Variants in THUMPD3 observed in about 807,000 individuals in gnomAD.
The protein encoded by THUMPD3 is tRNA (guanine(6)-N(2))-methyltransferase THUMP3.
A neutral mutation model predicts 54.5 loss-of-function variants in THUMPD3; 44 were observed. That is an observed-to-expected ratio of 0.81 (90% CI 0.63 to 1.04). The LOEUF (loss-of-function observed/expected upper bound fraction) is 1.04. Among genes scored for constraint, THUMPD3 ranks in the 50% least tolerant of loss-of-function variants. The pLI is 0.00. For missense variants in THUMPD3, 604 were observed against 601.3 expected, an observed-to-expected ratio of 1.00 and a Z score of -0.05; for synonymous variants, 196 against 201.4, an observed-to-expected ratio of 0.97 and a Z score of 0.23.
In THUMPD3 at chr3:9,384,246, C is replaced by T. The variant is rs1246237309; in HGVS notation, c.1270C>T (p.Pro424Ser). 4 of 1,614,174 alleles carry T rather than the reference C, an allele frequency of 2.5e-6. No homozygotes were observed. The change falls in exon 9 of 10, where the codon CCA becomes TCA. Residue 424 changes from proline to serine, a missense_variant. Transcript: ENST00000452837. The part of the protein sequence containing the change: ...GSKKRNWNLY[P>S]ACLREMSRVC... Reference sequence around the variant, plus strand: ...CAAGAAGAGAAACTGGAACCTTTATCCAGCTTGCCTACGGGAGATGAGCCG... The same window carrying T: ...CAAGAAGAGAAACTGGAACCTTTATTCAGCTTGCCTACGGGAGATGAGCCG...
At chr3:9,371,600 C>T in intron 4 of THUMPD3, 64 bp downstream of exon 4, 1 of 1,352,818 alleles carries the variant, frequency 7.4e-7, no homozygotes, top group Non-Finnish European at 1.0e-6. Context: ...AATTTCCAGA[C>T]TAACCCAATG....
At chr3:9,374,729 G>A in intron 5 of THUMPD3, 83 bp downstream of exon 5, 2 of 1,473,144 alleles carry the variant, frequency 1.4e-6, no homozygotes, top group Non-Finnish European at 1.9e-6. Context: ...GTGTGTATGT[G>A]TGTTTGAGGT....
chr3:9,377,775 A>G, intron 5 of THUMPD3, 44 bp from the exon 6 acceptor site: 1 of 1,514,034 alleles, frequency 6.6e-7, no homozygotes, highest in Non-Finnish European at 9.2e-7. Flanking sequence ...TAGAAGCCTC[A>G]GCTTTTGAGT....
chr3:9,367,436 A>G (rs929069632), intron 3 of THUMPD3, among the ~76,000 whole-genome samples: 7 of 152,222 alleles, frequency 4.6e-5, no homozygotes, highest in African/African-American at 1.7e-4. Flanking sequence ...TTCAGTTGTT[A>G]GGACAACAGC....
chr3:9,372,844 G>A (rs1239705406), intron 4 of THUMPD3, among the ~76,000 whole-genome samples: 3 of 152,330 alleles, frequency 2.0e-5, no homozygotes, highest in African/African-American at 4.8e-5. Context: ...TTACCAAAGA[G>A]TCAATTTCCG....
chr3:9,374,141 A>T (rs746870529), intron 4 of THUMPD3, among the ~76,000 whole-genome samples: 5 of 152,210 alleles, frequency 3.3e-5, no homozygotes, highest in African/African-American at 7.2e-5. Flanking sequence ...TTTGAACTTC[A>T]TATAAATGAA....
intron 3 of THUMPD3, among the ~76,000 whole-genome samples, chr3:9,367,714 C>T (rs1219383547): frequency 2.0e-5 from 3 of 152,212 alleles, no homozygotes; most frequent in Middle Eastern, 3.4e-3. Context: ...TATTCAAAAA[C>T]GAGTCAAAGT....
chr3:9,377,884 T>C lies in THUMPD3; in HGVS notation c.1004T>C (p.Ile335Thr). The change falls in exon 6 of 10, where the codon ATA (isoleucine) becomes ACA (threonine). Residue 335 changes from isoleucine (I) to threonine (T), a missense_variant. By Grantham distance (89) the Ile-to-Thr change is moderately conservative. Transcript: ENST00000452837. ...DPMCGTGAIP[I>T]EGATEWSDCF... ...ATGTGTGGAACTGGGGCAATACCAA[T>C]AGAGGTAATCATATTTCTTTAGCTT... 2 of 1,609,908 alleles carry C rather than the reference T, an allele frequency of 1.2e-6. No homozygotes were observed. Among genetic ancestry groups the C allele is most frequent in the East Asian group, 2.2e-5 (1 of 44,858 alleles).
At chr3:9,378,858 C>G (rs867319785) in intron 6 of THUMPD3, among the ~76,000 whole-genome samples, 6 of 152,114 alleles carry the variant, frequency 3.9e-5, no homozygotes, top group Non-Finnish European at 1.5e-5. Flanking sequence ...GGGAAGAAAG[C>G]AGAGTGTTGT....
intron 4 of THUMPD3, among the ~76,000 whole-genome samples, chr3:9,372,611 AC>A (rs1226348618): frequency 6.6e-6 from 1 of 151,958 alleles, no homozygotes; most frequent in African/African-American, 2.4e-5. Context: ...TTTTAAACAA[AC>A]CCTGACCTTC....
Position 9,384,241 on chromosome 3 carries a change from T to C in THUMPD3, c.1265T>C (p.Leu422Pro). The change falls in exon 9 of 10, where the codon CTT (leucine) becomes CCT (proline). Residue 422 changes from leucine (L) to proline (P), a missense_variant. By Grantham distance (98) the Leu-to-Pro change is moderately conservative. Transcript: ENST00000452837. ...RMGSKKRNWN[L>P]YPACLREMSR... ...GGATCCAAGAAGAGAAACTGGAACC[T>C]TTATCCAGCTTGCCTACGGGAGATG... 6.2e-7 allele frequency: 1 copy of C among 1,614,208 alleles called. No homozygotes were observed. Among genetic ancestry groups the C allele is most frequent in the Non-Finnish European group, 8.5e-7 (1 of 1,180,034 alleles).
At chr3:9,364,723 G>A (rs2728948) in intron 1 of THUMPD3, among the ~76,000 whole-genome samples, 19,947 of 152,272 alleles carry the variant, frequency 0.13, 2,262 homozygotes, top group East Asian at 0.37. Context: ...TGCAGTTTCT[G>A]TCGTAGTTAT....
chr3:9,385,151 T>G lies in THUMPD3; in HGVS notation c.*463T>G, dbSNP rs2033250257. The G allele has an allele frequency of 6.5e-6, 1 of 154,362 alleles. No homozygotes were observed. Among genetic ancestry groups the G allele is most frequent in the Non-Finnish European group, 1.4e-5 (1 of 69,438 alleles). The allele number at this position is 154,362 out of a possible 1,614,324, so 9.6% of individuals were successfully genotyped here. A position where few individuals can be genotyped will look rare whatever the true frequency, so the allele number is the denominator to read the frequency against. On this transcript the variant is annotated 3_prime_UTR_variant, in exon 10 of 10. Transcript: ENST00000452837. ...GCGAAACTCTGTCTCAAAAAGATTT[T>G]ATAAGAAAGCAGAGCTTTTCCTTGA... is the stretch of plus-strand genomic sequence containing the variant.
At position 9,380,167 on chromosome 3, in the gene THUMPD3, G is replaced by A. The variant is rs1159289198; in HGVS notation, c.1009-336G>A. On this transcript the variant is annotated intron_variant, in intron 6 of 9. Coordinates refer to ENST00000452837, the MANE Select transcript of THUMPD3 (RefSeq NM_001114092.2). Reference sequence around the variant, plus strand: ...CTCAGAGAGCTCCCAGGTTAGTTGAGAGGCATAAAGGGGAAGAAATAATTA... The same window carrying A: ...CTCAGAGAGCTCCCAGGTTAGTTGAAAGGCATAAAGGGGAAGAAATAATTA... Among the ~76,000 whole-genome samples the A allele has an allele frequency of 7.2e-5, 11 of 152,254 alleles. No homozygotes were observed. The East Asian group carries it at 1.9e-3, about 27-fold the overall frequency.
In THUMPD3 at chr3:9,371,419, A is replaced by G. The variant is rs2032029058; in HGVS notation, c.690A>G (p.Thr230=). Residue 230 remains threonine (T), a synonymous_variant, in exon 4 of 10, where the codon ACA becomes ACG. Transcript: ENST00000452837. ...CTCAAGTGCTGAAGTTTAGAGTCAC[A>G]TGCAACAGGGCAGGAGAGAAACATT... ...TEPQVLKFRV[T]CNRAGEKHCF... 1 of 1,614,222 alleles carries G rather than the reference A, an allele frequency of 6.2e-7. No individual in the cohort carries two copies. The highest frequency in any genetic ancestry group is 1.3e-5 in the African/African-American group (1 of 75,076).
chr3:9,369,270 A>C (rs1022258785), intron 3 of THUMPD3, among the ~76,000 whole-genome samples: 10 of 128,198 alleles, frequency 7.8e-5, no homozygotes, highest in Non-Finnish European at 1.1e-4. Context: ...AGATCACGCC[A>C]CTGCACTCTA....
At chr3:9,375,601 A>G (rs1309304925) in intron 5 of THUMPD3, among the ~76,000 whole-genome samples, 3 of 152,248 alleles carry the variant, frequency 2.0e-5, no homozygotes, top group East Asian at 1.9e-4. Flanking sequence ...TATTATATAC[A>G]GTGCCTGGTA....
At chr3:9,377,704 T>C in intron 5 of THUMPD3, 115 bp from the exon 6 acceptor site, 2 of 701,414 alleles carry the variant, frequency 2.9e-6, no homozygotes, top group Non-Finnish European at 4.8e-6. Flanking sequence ...ATGTGTAGAT[T>C]GGTGTTCCTT....
At chr3:9,375,535 G>A (rs1012307063) in intron 5 of THUMPD3, among the ~76,000 whole-genome samples, 6 of 152,288 alleles carry the variant, frequency 3.9e-5, no homozygotes, top group East Asian at 3.9e-4. Flanking sequence ...TGGATTTGAT[G>A]TGAGACTTAA....
Sources: gnomAD v4.1 joint callset for allele counts (sites outside exome capture counted in the v4.1 genomes callset) on GRCh38, gnomAD v4.1.1 for gene constraint, MANE v1.5 for transcripts, NCBI Gene and HGNC (gene_info 2026-07-23, HGNC 2026-07-21) for gene names.